MCC: variants seen among roughly 807,000 people sequenced by gnomAD.
The protein encoded by MCC is colorectal mutant cancer protein.
A neutral mutation model predicts 116.2 loss-of-function variants in MCC; 90 were observed. The ratio of observed to expected loss-of-function variants is 0.77; its 90% CI spans 0.65 to 0.92. The LOEUF is 0.92. Ranked by LOEUF, MCC falls within the 40% of genes least tolerant of loss-of-function variation. MCC has a pLI of 0.00. For missense variants in MCC, 1,516 were observed against 1,312.2 expected (o/e 1.16, Z -2.40); for synonymous variants, 578 against 510.5 (o/e 1.13, Z -1.78).
chr5:113,049,579 A>G (rs1364629098), intron 15 of MCC, among the ~76,000 whole-genome samples: 1 of 152,250 alleles, frequency 6.6e-6, no homozygotes, highest in Non-Finnish European at 1.5e-5. Flanking sequence ...GGTTCAATAT[A>G]GGGAAAACCT....
chr5:113,185,040 G>T (rs1001636), intron 3 of MCC, among the ~76,000 whole-genome samples: 7,752 of 152,246 alleles, frequency 0.051, 259 homozygotes, highest in Non-Finnish European at 0.06. Context: ...GGAAGCTGGG[G>T]AAATCCTGAA....
intron 1 of MCC, among the ~76,000 whole-genome samples, chr5:113,408,966 T>C (rs1041248819): frequency 6.6e-6 from 1 of 152,136 alleles, no homozygotes; most frequent in African/African-American, 2.4e-5. Flanking sequence ...TAAACAAAAG[T>C]TTGAAACTCA....
chr5:113,145,682 C>T (rs571887600), intron 4 of MCC, among the ~76,000 whole-genome samples: 45 of 152,128 alleles, frequency 3.0e-4, no homozygotes, highest in African/African-American at 9.4e-4. Context: ...CAGCAGCCCT[C>T]GCTGCTGCTC....
intron 3 of MCC, among the ~76,000 whole-genome samples, chr5:113,229,345 T>C (rs1763858368): frequency 6.6e-6 from 1 of 152,220 alleles, no homozygotes; most frequent in Non-Finnish European, 1.5e-5. Flanking sequence ...TAAGGTTAAA[T>C]ATCCTGTAAG....
At chr5:113,467,879 C>A (rs1015931077) in intron 1 of MCC, among the ~76,000 whole-genome samples, 1 of 152,138 alleles carries the variant, frequency 6.6e-6, no homozygotes, top group Admixed American at 6.6e-5. Context: ...GTTTGTAGTT[C>A]TCCTTGAAGA....
intron 3 of MCC, among the ~76,000 whole-genome samples, chr5:113,267,803 A>G (rs1765474551): frequency 6.6e-6 from 1 of 152,220 alleles, no homozygotes; most frequent in African/African-American, 2.4e-5. Context: ...CAGTCCTGGG[A>G]ATATACTAAA....
chr5:113,355,155 A>T, intron 2 of MCC, among the ~76,000 whole-genome samples: 1 of 152,194 alleles, frequency 6.6e-6, no homozygotes. Flanking sequence ...ATGCTGACCA[A>T]CCTCACCTTA....
chr5:113,190,912 G>A (rs748884762), intron 3 of MCC, among the ~76,000 whole-genome samples: 4 of 152,204 alleles, frequency 2.6e-5, no homozygotes, highest in Non-Finnish European at 5.9e-5. Flanking sequence ...CCATCTGCAG[G>A]ACCAAGGCAA....
chr5:113,488,142 G>T, intron 1 of MCC, 103 bp downstream of exon 1: 3 of 1,229,084 alleles, frequency 2.4e-6, no homozygotes, highest in East Asian at 3.1e-5. Context: ...GCGAGCTTCT[G>T]AGCAACTTGC....
intron 1 of MCC, among the ~76,000 whole-genome samples, chr5:113,457,791 C>T (rs937909590): frequency 6.9e-6 from 1 of 145,088 alleles, no homozygotes; most frequent in African/African-American, 2.7e-5. Flanking sequence ...CTTGGAGAAC[C>T]TTTATGTCTA....
intron 6 of MCC, among the ~76,000 whole-genome samples, chr5:113,122,352 GC>G (rs1757783781): frequency 6.6e-6 from 1 of 152,044 alleles, no homozygotes; most frequent in Non-Finnish European, 1.5e-5. Context: ...CAATGTGTTG[GC>G]CCCCATCCCA....
intron 3 of MCC, among the ~76,000 whole-genome samples, chr5:113,167,956 T>C (rs576041250): frequency 6.6e-6 from 1 of 152,226 alleles, no homozygotes; most frequent in South Asian, 2.1e-4. Flanking sequence ...GAAACCAAAA[T>C]TATTCAAAAA....
chr5:113,102,847 T>G (rs1276372285), intron 7 of MCC, among the ~76,000 whole-genome samples: 2 of 151,686 alleles, frequency 1.3e-5, no homozygotes, highest in Admixed American at 1.3e-4. Context: ...CCGGGTGCAG[T>G]GGCTCACGCC....
chr5:113,073,638 C>T (rs1190840554), intron 11 of MCC, among the ~76,000 whole-genome samples: 1 of 151,194 alleles, frequency 6.6e-6, no homozygotes, highest in African/African-American at 2.4e-5. Flanking sequence ...ATAAGAATAT[C>T]AGTTCGCCAT....
At chr5:113,427,356 T>C (rs1770511951) in intron 1 of MCC, among the ~76,000 whole-genome samples, 1 of 152,154 alleles carries the variant, frequency 6.6e-6, no homozygotes, top group Non-Finnish European at 1.5e-5. Flanking sequence ...TGTTTGGGAG[T>C]TGACTGGAAA....
At chr5:113,119,937 C>T (rs1162413319) in intron 6 of MCC, among the ~76,000 whole-genome samples, 1 of 152,222 alleles carries the variant, frequency 6.6e-6, no homozygotes, top group African/African-American at 2.4e-5. Flanking sequence ...CAACAGACGC[C>T]ACCTCAAGTC....
At chr5:113,290,763 C>T (rs1011244778) in intron 3 of MCC, among the ~76,000 whole-genome samples, 1 of 152,110 alleles carries the variant, frequency 6.6e-6, no homozygotes, top group Admixed American at 6.5e-5. Flanking sequence ...TAAAGTGTGG[C>T]CATTCGGCTT....
At chr5:113,443,991 TTGTGTGTGTGTG>T (rs34145955) in intron 1 of MCC, among the ~76,000 whole-genome samples, 7 of 143,986 alleles carry the variant, frequency 4.9e-5, no homozygotes, top group Non-Finnish European at 7.6e-5. Flanking sequence ...CTCGGCTAAT[TTGTGTGTGTGTG>T]TGTGTGTGTG....
intron 3 of MCC, among the ~76,000 whole-genome samples, chr5:113,220,057 C>CTTTCTTTTT (rs1406279958): frequency 1.3e-5 from 1 of 79,498 alleles, no homozygotes; most frequent in Non-Finnish European, 3.5e-5. Flanking sequence ...ATGTCAATTT[C>CTTTCTTTTT]TTTTTCTTTT....
Sources: allele counts gnomAD v4.1 joint callset (sites outside exome capture counted in the v4.1 genomes callset), GRCh38; gene constraint gnomAD v4.1.1; transcripts MANE v1.5; gene names NCBI Gene and HGNC (gene_info 2026-07-23, HGNC 2026-07-21).